Variants in STUM observed in about 807,000 individuals in gnomAD.
STUM encodes protein stum homolog.
A neutral mutation model predicts 15.3 loss-of-function variants in STUM; 8 were observed. That is an observed-to-expected ratio of 0.52 (90% CI 0.31 to 0.94). STUM has a LOEUF of 0.94. Ranked by LOEUF, STUM falls within the 40% of genes least tolerant of loss-of-function variation. The pLI is 0.05. For synonymous variants in STUM, 78 were observed against 88.7 expected (o/e 0.88, Z 0.68); for missense variants, 142 against 204.9 (o/e 0.69, Z 1.87).
At chr1:226,572,824 C>T (rs559967867) in intron 1 of STUM, among the ~76,000 whole-genome samples, 1 of 152,344 alleles carries the variant, frequency 6.6e-6, no homozygotes, top group South Asian at 2.1e-4. Flanking sequence ...GGACCAGGCT[C>T]ATGAAAAGTT....
In STUM at chr1:226,565,018, C is replaced by T. The variant is rs187792245; in HGVS notation, c.202+15912C>T. On this transcript the variant is annotated intron_variant, in intron 1 of 3. Transcript: ENST00000366788. The surrounding 1 kb of genome is among the most constrained non-coding windows in gnomAD (Gnocchi z 4.4). ...CTGGACCCGAGGAGGCCGACCTCTA[C>T]GGCCTGCATCACCAGTCCCCTTGCC... Among the ~76,000 whole-genome samples the T allele has an allele frequency of 7.7e-4, 117 of 152,290 alleles. 1 individual carries two copies. Among genetic ancestry groups the T allele is most frequent in the Middle Eastern group, 3.4e-3 (1 of 294 alleles).
chr1:226,594,108 A>G (rs573360202), intron 1 of STUM, among the ~76,000 whole-genome samples: 6 of 152,202 alleles, frequency 3.9e-5, no homozygotes, highest in Non-Finnish European at 5.9e-5. Flanking sequence ...AAAACGAGGC[A>G]GGGTCAGTTT....
intron 1 of STUM, among the ~76,000 whole-genome samples, chr1:226,554,431 G>A (rs61184345): frequency 0.024 from 3,669 of 152,248 alleles, 137 homozygotes; most frequent in African/African-American, 0.083. Flanking sequence ...GTAGTTAATA[G>A]ACCAAGAAAT....
intron 1 of STUM, among the ~76,000 whole-genome samples, chr1:226,583,125 G>C (rs2102702988): frequency 6.6e-6 from 1 of 152,344 alleles, no homozygotes. Context: ...CAGCTCAGGA[G>C]TGGCACAGTG....
chr1:226,556,849 A>C (rs939900239), intron 1 of STUM, among the ~76,000 whole-genome samples: 1 of 152,236 alleles, frequency 6.6e-6, no homozygotes, highest in Non-Finnish European at 1.5e-5. Flanking sequence ...TTTAAATTGT[A>C]AATTGACAAT....
intron 1 of STUM, among the ~76,000 whole-genome samples, chr1:226,556,387 C>G (rs1471896362): frequency 6.6e-6 from 1 of 152,186 alleles, no homozygotes; most frequent in Non-Finnish European, 1.5e-5. Flanking sequence ...AAGGCAGGCA[C>G]TAATGAATAC....
rs1239005091 is a variant in STUM at position 226,600,579 on chromosome 1, T to G, written c.383-87T>G. 14 of 1,514,366 alleles carry G rather than the reference T, an allele frequency of 9.2e-6. No homozygotes were observed. Among genetic ancestry groups the G allele is most frequent in the Non-Finnish European group, 1.3e-5 (14 of 1,098,366 alleles). 93.8% of individuals were successfully genotyped at this position (1,514,366 alleles called of 1,614,324 possible). On this transcript the variant is annotated intron_variant, in intron 2 of 3. Coordinates refer to ENST00000366788, the MANE Select transcript of STUM (RefSeq NM_001003665.4). This position sits in a 1 kb window ranked among gnomAD's most constrained non-coding sequence, Gnocchi z 5.2. Reference sequence around the variant, plus strand: ...TCTGCTTTGTTTCCTGTGCCAAGCGTTCCCTGTGGCTCTGTTTTCAGGCTG... The same window carrying G: ...TCTGCTTTGTTTCCTGTGCCAAGCGGTCCCTGTGGCTCTGTTTTCAGGCTG...
At chr1:226,581,964 T>C (rs1338060104) in intron 1 of STUM, among the ~76,000 whole-genome samples, 1 of 152,224 alleles carries the variant, frequency 6.6e-6, no homozygotes, top group Non-Finnish European at 1.5e-5. Context: ...AAATCTTCCT[T>C]TCTTCCATTC....
chr1:226,589,391 T>C (rs1668049237), intron 1 of STUM, among the ~76,000 whole-genome samples: 1 of 152,142 alleles, frequency 6.6e-6, no homozygotes, highest in Admixed American at 6.5e-5. Flanking sequence ...TCTTTGGGGC[T>C]CCCAGGACGG....
At chr1:226,564,077 A>G (rs1156622541) in intron 1 of STUM, among the ~76,000 whole-genome samples, 1 of 152,216 alleles carries the variant, frequency 6.6e-6, no homozygotes, top group African/African-American at 2.4e-5. Context: ...GTGCTTGGGA[A>G]TTGATTGGGG....
intron 1 of STUM, among the ~76,000 whole-genome samples, chr1:226,572,042 C>G (rs151109876): frequency 1.3e-5 from 2 of 152,276 alleles, no homozygotes; most frequent in East Asian, 3.9e-4. Flanking sequence ...GCTACACTGG[C>G]ATGGACAGGT....
rs1315223199 is a variant in STUM, at chr1:226,608,943, C to T, written c.*6903C>T. ...TAGGGGCCAAGCAGGGTTCCAGATT[C>T]TCCAGCCTTCTGCCAGCTTTAAAAC... On this transcript the variant is annotated 3_prime_UTR_variant, in exon 4 of 4. Transcript: ENST00000366788. The surrounding 1 kb of genome is among the most constrained non-coding windows in gnomAD (Gnocchi z 4.0). 6.6e-6 allele frequency: 1 copy of T among 152,238 alleles called. No individual in the cohort carries two copies. The highest frequency in any genetic ancestry group is 2.4e-5 in the African/African-American group (1 of 41,454). The allele number at this position is 152,238 out of a possible 1,614,324, so 9.4% of individuals were successfully genotyped here.
At chr1:226,562,550 C>T (rs1204908544) in intron 1 of STUM, among the ~76,000 whole-genome samples, 1 of 151,736 alleles carries the variant, frequency 6.6e-6, no homozygotes, top group African/African-American at 2.4e-5. Context: ...AAGGGACCGA[C>T]ATCATGTACC....
intron 1 of STUM, among the ~76,000 whole-genome samples, chr1:226,559,184 C>G (rs1667497538): frequency 6.6e-6 from 1 of 152,216 alleles, no homozygotes; most frequent in South Asian, 2.1e-4. Flanking sequence ...TTGAGCAGAG[C>G]ACTCAGTCCA....
chr1:226,600,805 T>C lies in STUM; in HGVS notation c.391+131T>C. 1 of 1,035,564 alleles carries C rather than the reference T, an allele frequency of 9.7e-7. No homozygotes were observed. The highest frequency in any genetic ancestry group is 1.4e-6 in the Non-Finnish European group (1 of 689,954). 64.1% of individuals were successfully genotyped at this position (1,035,564 alleles called of 1,614,324 possible). ...GGTCAATGGGCTTTTATGTTTAGCT[T>C]GAACTTTTGGTTTGGAAAATGCTTA... is the stretch of plus-strand genomic sequence containing the variant. On this transcript the variant is annotated intron_variant, in intron 3 of 3. Transcript: ENST00000366788. The surrounding 1 kb of genome is among the most constrained non-coding windows in gnomAD (Gnocchi z 5.2).
chr1:226,593,465 T>G (rs952046522), intron 1 of STUM, among the ~76,000 whole-genome samples: 5 of 152,160 alleles, frequency 3.3e-5, no homozygotes, highest in Non-Finnish European at 7.3e-5. Context: ...CCCAGCTCCA[T>G]CACTTTTACC....
intron 1 of STUM, among the ~76,000 whole-genome samples, chr1:226,585,435 C>T (rs774888304): frequency 2.0e-5 from 3 of 152,184 alleles, no homozygotes; most frequent in Admixed American, 6.5e-5. Flanking sequence ...TTAATCCTCA[C>T]GTTTACCCTT....
chr1:226,604,916 G>GA lies in STUM; in HGVS notation c.*2877dup, dbSNP rs1159831986. ...TGAGATGCTCCCAGTACCAAACTGT[G>GA]ACACTGGGATCAGGGTGGTCATTCC... On this transcript the variant is annotated 3_prime_UTR_variant, in exon 4 of 4. Transcript: ENST00000366788. The surrounding 1 kb of genome is among the most constrained non-coding windows in gnomAD (Gnocchi z 4.7). 2.0e-5 allele frequency: 3 copies of GA among 152,354 alleles called. No individual in the cohort carries two copies. The highest frequency in any genetic ancestry group is 7.2e-5 in the African/African-American group (3 of 41,446). The allele number at this position is 152,354 out of a possible 1,614,324, so 9.4% of individuals were successfully genotyped here. A position where few individuals can be genotyped will look rare whatever the true frequency, so the allele number is the denominator to read the frequency against.
chr1:226,594,923 T>A (rs1267230094), intron 1 of STUM, among the ~76,000 whole-genome samples: 1 of 152,224 alleles, frequency 6.6e-6, no homozygotes, highest in Non-Finnish European at 1.5e-5. Flanking sequence ...CCCAAAGTGC[T>A]GGGATTACAG....
Sources: allele counts gnomAD v4.1 joint callset (sites outside exome capture counted in the v4.1 genomes callset), GRCh38; gene constraint gnomAD v4.1.1; non-coding constraint Gnocchi (gnomAD v3.1); transcripts MANE v1.5; gene names NCBI Gene and HGNC (gene_info 2026-07-23, HGNC 2026-07-21).